Variants in ACSBG2 observed in about 807,000 individuals in gnomAD.
ACSBG2 encodes long-chain-fatty-acid--CoA ligase ACSBG2.
In ACSBG2, 62 loss-of-function variants were observed where a neutral mutation model predicts 74.7. The ratio of observed to expected loss-of-function variants is 0.83; its 90% CI spans 0.68 to 1.03. The LOEUF (loss-of-function observed/expected upper bound fraction) is 1.03. ACSBG2 is among the 50% of genes least tolerant of loss of function. The pLI is 0.00. For missense variants in ACSBG2, 730 were observed against 817.6 expected (o/e 0.89, Z 1.31); for synonymous variants, 309 against 294.1 (o/e 1.05, Z -0.52).
At chr19:6,186,640 G>T (rs900418845) in intron 11 of ACSBG2, among the ~76,000 whole-genome samples, 12 of 152,352 alleles carry the variant, frequency 7.9e-5, no homozygotes, top group African/African-American at 2.9e-4. Flanking sequence ...GGCATGGCTG[G>T]ATCTGGGTGC....
At chr19:6,138,643 GAA>G (rs1491412556) in intron 1 of ACSBG2, among the ~76,000 whole-genome samples, 41,460 of 87,886 alleles carry the variant, frequency 0.47, 9,659 homozygotes, top group Admixed American at 0.52. Context: ...GAAAGGAAGG[GAA>G]GGGAAGAAGG....
chr19:6,175,563 GA>G, intron 7 of ACSBG2: 1 of 152,286 alleles, frequency 6.6e-6, no homozygotes, highest in East Asian at 1.9e-4. Flanking sequence ...GACGGTGAGG[GA>G]AAAGGCTGAA....
At position 6,183,268 on chromosome 19, in the gene ACSBG2, C is replaced by A. The variant is rs371795582; in HGVS notation, c.1318C>A (p.Leu440Ile). 1.3e-4 allele frequency: 212 copies of A among 1,613,732 alleles called. No homozygotes were observed. Among genetic ancestry groups the A allele is most frequent in the Non-Finnish European group, 1.7e-4 (204 of 1,179,734 alleles). The change falls in exon 10 of 15, where the codon CTA becomes ATA. Residue 440 changes from leucine to isoleucine, a missense_variant. Leu to Ile is a conservative substitution (Grantham distance 5). Transcript: ENST00000588485. ...TISNQNNYRL[L>I]SCGKILTGCK... is the part of the protein sequence containing the mutation. ...ATCCAACCAGAATAACTACAGGCTT[C>A]TAAGGTACCAGCCCCCGGGGCAGAC...
intron 8 of ACSBG2, among the ~76,000 whole-genome samples, chr19:6,181,532 CTT>C (rs917807642): frequency 6.6e-6 from 1 of 152,028 alleles, no homozygotes; most frequent in African/African-American, 2.4e-5. Context: ...CCTCAATAAT[CTT>C]TTGAAGAGGA....
At chr19:6,138,643 GAAGGGAAGA>G (rs2088689043) in intron 1 of ACSBG2, among the ~76,000 whole-genome samples, 1 of 92,780 alleles carries the variant, frequency 1.1e-5, no homozygotes, top group Non-Finnish European at 2.0e-5. Flanking sequence ...GAAAGGAAGG[GAAGGGAAGA>G]AGGAAGAAAG....
intron 2 of ACSBG2, among the ~76,000 whole-genome samples, chr19:6,145,363 G>A (rs114345187): frequency 0.012 from 1,844 of 151,294 alleles, 39 homozygotes; most frequent in African/African-American, 0.043. Context: ...CCCAGGAGGC[G>A]GAGGCTGCAG....
At chr19:6,176,434 T>A (rs2090090830) in intron 7 of ACSBG2, 2 of 1,417,882 alleles carry the variant, frequency 1.4e-6, no homozygotes. Flanking sequence ...GCTCCTGCCA[T>A]CCACGTGATC....
chr19:6,143,182 T>C (rs1003990327), intron 2 of ACSBG2, among the ~76,000 whole-genome samples: 3 of 151,968 alleles, frequency 2.0e-5, no homozygotes, highest in African/African-American at 7.2e-5. Flanking sequence ...ACAGCTGGCA[T>C]TACAGTCATG....
At chr19:6,138,618 AAG>A (rs2088682600) in intron 1 of ACSBG2, among the ~76,000 whole-genome samples, 1 of 125,402 alleles carries the variant, frequency 8.0e-6, no homozygotes, top group African/African-American at 3.5e-5. Flanking sequence ...GGAAGGAAGG[AAG>A]GGGAGGAAGA....
chr19:6,176,113 T>TA (rs1352679018), intron 7 of ACSBG2: 5 of 384,120 alleles, frequency 1.3e-5, no homozygotes, highest in African/African-American at 1.1e-4. Flanking sequence ...GCAAGTTAGT[T>TA]AAGGACTCTG....
chr19:6,161,169 TC>T, intron 5 of ACSBG2, 45 bp from the exon 6 acceptor site: 2 of 1,542,076 alleles, frequency 1.3e-6, no homozygotes, highest in Non-Finnish European at 1.8e-6. Context: ...CTTTAGTCTT[TC>T]CCAGGGCTGG....
chr19:6,185,630 T>A lies in ACSBG2; in HGVS notation c.1517T>A (p.Leu506His), dbSNP rs1434496960. The change falls in exon 11 of 15, where the codon CTC becomes CAC. Residue 506 changes from leucine (L) to histidine (H), a missense_variant. Coordinates refer to ENST00000588485, the MANE Select transcript of ACSBG2 (RefSeq NM_030924.5). ...GGCCAGCTGGACGGTCTGGGTTTCC[T>A]CTATGTCACCGGCCACATCAAAGGT... The part of the protein sequence containing the change: ...DLGQLDGLGF[L>H]YVTGHIKEIL... The A allele has an allele frequency of 5.0e-6, 8 of 1,614,172 alleles. No individual in the cohort carries two copies. The highest frequency in any genetic ancestry group is 4.0e-5 in the African/African-American group (3 of 75,058).
At chr19:6,187,191 G>C (rs1434809563) in intron 11 of ACSBG2, 92 bp from the exon 12 acceptor site, 8 of 1,550,434 alleles carry the variant, frequency 5.2e-6, no homozygotes, top group Non-Finnish European at 7.0e-6. Flanking sequence ...ATTTAGTAGA[G>C]ACGGGGTTTC....
intron 7 of ACSBG2, chr19:6,176,479 T>C: frequency 8.1e-7 from 1 of 1,230,560 alleles, no homozygotes; most frequent in Non-Finnish European, 1.1e-6. Flanking sequence ...TGCCTTATAC[T>C]GACTTATGAA....
chr19:6,161,208 C>T lies in ACSBG2; in HGVS notation c.508-7C>T, dbSNP rs78713134. On this transcript the variant is annotated splice_polypyrimidine_tract_variant and splice_region_variant and intron_variant, in intron 5 of 14. Coordinates refer to ENST00000588485, the MANE Select transcript of ACSBG2 (RefSeq NM_030924.5). ...TGCCATGAAGCCCACAGGGAACTTT[C>T]TTTCAGATTCCACAGAGCAGCCTAG... The T allele has an allele frequency of 5.9e-3, 9,434 of 1,612,370 alleles. 292 individuals carry two copies. The African/African-American group carries it at 0.078, about 13-fold the overall frequency.
intron 4 of ACSBG2, among the ~76,000 whole-genome samples, chr19:6,154,894 G>T (rs1019247218): frequency 4.6e-5 from 7 of 152,112 alleles, no homozygotes; most frequent in Non-Finnish European, 8.8e-5. Context: ...GGGCTCTGGT[G>T]CCACATCAGA....
chr19:6,165,817 A>G, intron 6 of ACSBG2, 49 bp from the exon 7 acceptor site: 1 of 1,606,586 alleles, frequency 6.2e-7, no homozygotes, highest in Non-Finnish European at 8.5e-7. Flanking sequence ...GCTGGGTGAG[A>G]GGACTCCCGA....
At chr19:6,137,391 AG>A (rs2088621456) in intron 1 of ACSBG2, 1 of 152,346 alleles carries the variant, frequency 6.6e-6, no homozygotes, top group South Asian at 2.1e-4. Context: ...GCCCGTACGA[AG>A]GCCCCAAGGA....
intron 1 of ACSBG2, among the ~76,000 whole-genome samples, chr19:6,138,322 C>G (rs1285853591): frequency 6.6e-6 from 1 of 151,918 alleles, no homozygotes; most frequent in South Asian, 2.1e-4. Context: ...ACCCACAATG[C>G]GCCTGGGTGA....
Sources: allele counts gnomAD v4.1 joint callset (sites outside exome capture counted in the v4.1 genomes callset), GRCh38; gene constraint gnomAD v4.1.1; transcripts MANE v1.5; gene names NCBI Gene and HGNC (gene_info 2026-07-23, HGNC 2026-07-21).